Variants in ERBB4 observed in about 807,000 individuals in gnomAD.
ERBB4 encodes receptor tyrosine-protein kinase erbB-4.
Under a neutral mutation model 158.0 loss-of-function variants are expected in ERBB4, and 42 were observed. The ratio of observed to expected loss-of-function variants is 0.27; its 90% confidence interval spans 0.21 to 0.34. ERBB4 has a LOEUF of 0.34. ERBB4 is among the 10% of genes least tolerant of loss of function. ERBB4 has a pLI of 1.00. For synonymous variants in ERBB4, 583 were observed against 558.7 expected (o/e 1.04, Z -0.61); for missense variants, 1,333 against 1,624.1 (o/e 0.82, Z 3.08).
In ERBB4 at chr2:211,740,622, C is replaced by CTTT. The variant is rs1169540948; in HGVS notation, c.622+10014_622+10016dup. On this transcript the variant is annotated intron_variant, in intron 5 of 27. Coordinates refer to ENST00000342788, the MANE Select transcript of ERBB4 (RefSeq NM_005235.3). ...TTACTTAATTATTTCTTTTCTTTGT[C>CTTT]TTTTTTTTTTTTTTTTTTTTTTTGA... is the stretch of plus-strand genomic sequence containing the variant. Among the ~76,000 whole-genome samples, 796 of 90,190 alleles carry CTTT rather than the reference C, an allele frequency of 8.8e-3. 8 individuals are homozygous for CTTT. Among genetic ancestry groups the CTTT allele is most frequent in the African/African-American group, 0.015 (315 of 21,072 alleles). 59.2% of individuals were successfully genotyped at this position (90,190 alleles called of 152,430 possible).
intron 1 of ERBB4, among the ~76,000 whole-genome samples, chr2:212,232,515 T>C (rs551871197): frequency 1.4e-4 from 22 of 152,278 alleles, no homozygotes; most frequent in African/African-American, 3.4e-4. Flanking sequence ...TTCAAGCGAT[T>C]TTCCTGCCTC....
chr2:212,473,731 A>G (rs1689231529), intron 1 of ERBB4, among the ~76,000 whole-genome samples: 1 of 152,078 alleles, frequency 6.6e-6, no homozygotes, highest in Admixed American at 6.6e-5. Flanking sequence ...GGATAAAACT[A>G]CAGCTTACTG....
At chr2:212,243,460 T>C (rs2084190970) in intron 1 of ERBB4, among the ~76,000 whole-genome samples, 1 of 152,190 alleles carries the variant, frequency 6.6e-6, no homozygotes, top group Non-Finnish European at 1.5e-5. Flanking sequence ...GAAAAGCCTA[T>C]CATATCTGTA....
At chr2:212,011,139 C>T (rs899768010) in intron 2 of ERBB4, among the ~76,000 whole-genome samples, 1 of 152,028 alleles carries the variant, frequency 6.6e-6, no homozygotes, top group African/African-American at 2.4e-5. Flanking sequence ...TGATGTACAT[C>T]CTTAGCTTAT....
At chr2:212,240,492 G>T (rs1432249432) in intron 1 of ERBB4, among the ~76,000 whole-genome samples, 1 of 151,532 alleles carries the variant, frequency 6.6e-6, no homozygotes, top group African/African-American at 2.4e-5. Flanking sequence ...AATTAGCCAG[G>T]CGTGGTGGTG....
intron 3 of ERBB4, among the ~76,000 whole-genome samples, chr2:211,844,670 A>G (rs1017560375): frequency 7.2e-5 from 11 of 152,222 alleles, no homozygotes; most frequent in African/African-American, 2.7e-4. Context: ...AACATTATAT[A>G]TAATAGATTT....
chr2:212,059,621 C>G (rs1328866950), intron 2 of ERBB4, among the ~76,000 whole-genome samples: 1 of 152,112 alleles, frequency 6.6e-6, no homozygotes. Context: ...CAGAACAGAG[C>G]CCTCAGAAAT....
intron 20 of ERBB4, among the ~76,000 whole-genome samples, chr2:211,555,249 G>A (rs958280963): frequency 1.8e-4 from 28 of 152,072 alleles, no homozygotes; most frequent in African/African-American, 6.5e-4. Flanking sequence ...GCAATGGCAC[G>A]ATCTCGGCTC....
At chr2:211,918,704 A>T (rs2079770871) in intron 3 of ERBB4, among the ~76,000 whole-genome samples, 1 of 152,106 alleles carries the variant, frequency 6.6e-6, no homozygotes, top group African/African-American at 2.4e-5. Flanking sequence ...TGTGAAATAG[A>T]TATGTCTGTC....
intron 1 of ERBB4, among the ~76,000 whole-genome samples, chr2:212,131,921 C>A (rs539872289): frequency 6.6e-6 from 1 of 152,242 alleles, no homozygotes; most frequent in African/African-American, 2.4e-5. Flanking sequence ...GTTATAAATA[C>A]CAGCTATGAT....
intron 22 of ERBB4, among the ~76,000 whole-genome samples, chr2:211,426,569 A>T (rs74771913): frequency 1.7e-3 from 265 of 152,280 alleles, no homozygotes; most frequent in African/African-American, 6.1e-3. Flanking sequence ...CTCAACATGA[A>T]GAAAAATGTT....
chr2:211,624,423 A>G (rs879317873), intron 17 of ERBB4, among the ~76,000 whole-genome samples: 6 of 151,708 alleles, frequency 4.0e-5, no homozygotes, highest in Admixed American at 3.9e-4. Flanking sequence ...AAAAACGCAC[A>G]ATGCCAAAAC....
intron 1 of ERBB4, among the ~76,000 whole-genome samples, chr2:212,520,955 T>C (rs1020150020): frequency 6.6e-6 from 1 of 151,924 alleles, no homozygotes; most frequent in Non-Finnish European, 1.5e-5. Flanking sequence ...AACTGTAATA[T>C]AGGGAAAGCA....
At chr2:211,390,226 A>G (rs1285458032) in intron 25 of ERBB4, among the ~76,000 whole-genome samples, 3 of 152,214 alleles carry the variant, frequency 2.0e-5, no homozygotes, top group Non-Finnish European at 2.9e-5. Context: ...GTGAAAGCAC[A>G]GGCACTGTGG....
At chr2:212,374,069 CATATATATATCCATATATATCCATATAT>C (rs2090232177) in intron 1 of ERBB4, among the ~76,000 whole-genome samples, 2 of 77,538 alleles carry the variant, frequency 2.6e-5, no homozygotes, top group South Asian at 3.9e-4. Context: ...CATATATATC[CATATATATATCCATATATATCCATATAT>C]ATATATACAC....
intron 2 of ERBB4, among the ~76,000 whole-genome samples, chr2:211,963,215 G>T (rs1404123719): frequency 1.3e-5 from 2 of 151,888 alleles, no homozygotes; most frequent in African/African-American, 4.8e-5. Flanking sequence ...AGGGGTGGAG[G>T]GTGATACTGG....
intron 3 of ERBB4, among the ~76,000 whole-genome samples, chr2:211,881,276 TA>T (rs1186462677): frequency 6.6e-6 from 1 of 152,014 alleles, no homozygotes; most frequent in Non-Finnish European, 1.5e-5. Context: ...GCGGTAGAAA[TA>T]AATTATTTAG....
chr2:212,272,040 T>A (rs1334341069), intron 1 of ERBB4, among the ~76,000 whole-genome samples: 1 of 151,744 alleles, frequency 6.6e-6, no homozygotes, highest in African/African-American at 2.4e-5. Flanking sequence ...AACTTTAGAA[T>A]GTGAAAACAG....
chr2:212,230,786 A>G (rs1320846850), intron 1 of ERBB4, among the ~76,000 whole-genome samples: 3 of 152,228 alleles, frequency 2.0e-5, no homozygotes, highest in African/African-American at 7.2e-5. Flanking sequence ...GAGTTATAAT[A>G]CAAAAGTTTT....
Sources: allele counts gnomAD v4.1 joint callset (sites outside exome capture counted in the v4.1 genomes callset), GRCh38; gene constraint gnomAD v4.1.1; transcripts MANE v1.5; gene names NCBI Gene and HGNC (gene_info 2026-07-23, HGNC 2026-07-21).